FBXO42: variants seen among roughly 807,000 people sequenced by gnomAD.
FBXO42 encodes the protein F-box protein 42, also known as F-box only protein 42.
FBXO42 carries 12 observed loss-of-function variants against 71.7 expected under a neutral mutation model. The observed-to-expected ratio is 0.17, with a 90% CI of 0.11 to 0.27. The LOEUF (loss-of-function observed/expected upper bound fraction) is 0.27. Ranked by LOEUF, FBXO42 falls within the 10% of genes least tolerant of loss-of-function variation. FBXO42 has a pLI of 1.00. For missense variants in FBXO42, 707 were observed against 911.9 expected (o/e 0.78, Z 2.89); for synonymous variants, 325 against 327.5 (o/e 0.99, Z 0.08).
chr1:16,260,912 C>CA (rs2081704985), intron 4 of FBXO42, among the ~76,000 whole-genome samples: 1 of 151,998 alleles, frequency 6.6e-6, no homozygotes, highest in South Asian at 2.1e-4. Flanking sequence ...CTGTGTTGCC[C>CA]AGACTGGTCT....
chr1:16,251,779 G>C lies in FBXO42; in HGVS notation c.1045C>G (p.Gln349Glu). 1.4e-5 allele frequency: 22 copies of C among 1,611,480 alleles called. No homozygotes were observed. The highest frequency in any genetic ancestry group is 1.8e-5 in the Non-Finnish European group (21 of 1,178,428). Reference sequence around the variant, plus strand: ...GCCTGGCTGAAGACCACCACACACTGTCCCACCTGGAAGACAAAGGACCAG... The same window carrying C: ...GCCTGGCTGAAGACCACCACACACTCTCCCACCTGGAAGACAAAGGACCAG... ...LWCHPACRVG[Q>E]CVVVFSQAPS... The change falls in exon 10 of 10, where the codon CAG becomes GAG. Residue 349 changes from glutamine to glutamate, a missense_variant. By Grantham distance (29) the Gln-to-Glu change is conservative. This residue lies in a region of FBXO42 where 482 missense variants were observed against 587.1 expected (regional missense o/e 0.82). Transcript: ENST00000375592. This position sits in a 1 kb window ranked among gnomAD's most constrained non-coding sequence, Gnocchi z 4.5.
chr1:16,332,826 C>T (rs2082512531), intron 1 of FBXO42, among the ~76,000 whole-genome samples: 1 of 152,134 alleles, frequency 6.6e-6, no homozygotes, highest in Non-Finnish European at 1.5e-5. Context: ...CAAGTGTGAG[C>T]CACTGCGCCT....
rs1420857999 is a variant in FBXO42, at chr1:16,314,766, C to G, written c.250+403G>C. Reference sequence around the variant, plus strand: ...GGGCGTGGTGGCAGGCGCCTGTAGTCCCAGCTACTCTGGAGGCTGAGGCAG... The same window carrying G: ...GGGCGTGGTGGCAGGCGCCTGTAGTGCCAGCTACTCTGGAGGCTGAGGCAG... On this transcript the variant is annotated intron_variant, in intron 2 of 9. Transcript: ENST00000375592. 2.0e-5 allele frequency among the ~76,000 whole-genome samples: 3 copies of G among 152,096 alleles called. No homozygotes were observed. The East Asian group carries it at 5.8e-4, about 29-fold the overall frequency.
intron 1 of FBXO42, among the ~76,000 whole-genome samples, chr1:16,316,326 A>G (rs1483256185): frequency 2.0e-5 from 3 of 152,100 alleles, no homozygotes; most frequent in African/African-American, 4.8e-5. Flanking sequence ...TTTGCCACAA[A>G]ATATCTCTTT....
At chr1:16,350,986 C>T (rs981203976) in intron 1 of FBXO42, among the ~76,000 whole-genome samples, 1 of 152,020 alleles carries the variant, frequency 6.6e-6, no homozygotes, top group African/African-American at 2.4e-5. Context: ...CACGTGAATA[C>T]ACTCAAAGTT....
intron 2 of FBXO42, among the ~76,000 whole-genome samples, chr1:16,311,981 A>C (rs2082317280): frequency 1.3e-5 from 2 of 152,114 alleles, no homozygotes. Flanking sequence ...CCTTTCAGTA[A>C]GTGAATGGGT....
At chr1:16,331,702 C>T (rs1480831054) in intron 1 of FBXO42, among the ~76,000 whole-genome samples, 1 of 150,760 alleles carries the variant, frequency 6.6e-6, no homozygotes, top group African/African-American at 2.4e-5. Context: ...TTCAGTGAGC[C>T]GAGATCGCAC....
intron 7 of FBXO42, 94 bp downstream of exon 7, chr1:16,253,541 A>T: frequency 9.5e-7 from 1 of 1,055,952 alleles, no homozygotes; most frequent in South Asian, 1.4e-5. Flanking sequence ...GGCTTAGTGC[A>T]TATTGGCATC....
chr1:16,259,049 C>G (rs2081681071), intron 4 of FBXO42, among the ~76,000 whole-genome samples: 1 of 152,122 alleles, frequency 6.6e-6, no homozygotes, highest in African/African-American at 2.4e-5. Context: ...CAGAAATCTT[C>G]TCTAGGAAGA....
chr1:16,293,432 T>C (rs2082100071), intron 4 of FBXO42: 1 of 152,310 alleles, frequency 6.6e-6, no homozygotes, highest in African/African-American at 2.4e-5. Flanking sequence ...GTAGGTTTGT[T>C]TTTGTTTTTG....
At chr1:16,340,162 C>A (rs954485711) in intron 1 of FBXO42, among the ~76,000 whole-genome samples, 5 of 149,472 alleles carry the variant, frequency 3.3e-5, no homozygotes, top group Non-Finnish European at 7.4e-5. Context: ...GGCGACAGAG[C>A]AAGACTCCAG....
At chr1:16,271,093 C>G (rs1569837360) in intron 4 of FBXO42, among the ~76,000 whole-genome samples, 1 of 151,938 alleles carries the variant, frequency 6.6e-6, no homozygotes, top group Admixed American at 6.6e-5. Flanking sequence ...GAAGAGTGTT[C>G]CAGGCAGAAA....
intron 1 of FBXO42, among the ~76,000 whole-genome samples, chr1:16,324,799 C>T (rs530771737): frequency 3.3e-5 from 5 of 151,834 alleles, no homozygotes; most frequent in African/African-American, 1.2e-4. Context: ...CTGGGTGACA[C>T]AGCAAGACTC....
At chr1:16,317,067 GGTCAGGA>G (rs2082374622) in intron 1 of FBXO42, among the ~76,000 whole-genome samples, 2 of 152,128 alleles carry the variant, frequency 1.3e-5, no homozygotes, top group South Asian at 4.1e-4. Context: ...GATCACCTGA[GGTCAGGA>G]GTTCAAAACC....
intron 1 of FBXO42, among the ~76,000 whole-genome samples, chr1:16,339,762 T>C (rs887728902): frequency 3.3e-5 from 5 of 152,194 alleles, no homozygotes; most frequent in African/African-American, 1.2e-4. Context: ...GTGGTGTATA[T>C]GCACATGAAG....
chr1:16,320,187 C>T (rs1438204252), intron 1 of FBXO42, among the ~76,000 whole-genome samples: 4 of 151,746 alleles, frequency 2.6e-5, no homozygotes, highest in Admixed American at 2.0e-4. Flanking sequence ...TGGTGAAACC[C>T]CGTCTCTACT....
At chr1:16,263,259 G>A (rs1022729800) in intron 4 of FBXO42, among the ~76,000 whole-genome samples, 15 of 151,074 alleles carry the variant, frequency 9.9e-5, no homozygotes, top group Non-Finnish European at 1.8e-4. Flanking sequence ...TCAGGAGATC[G>A]AGACCATCCT....
intron 4 of FBXO42, among the ~76,000 whole-genome samples, chr1:16,258,248 T>C (rs1047871348): frequency 6.6e-6 from 1 of 152,210 alleles, no homozygotes. Flanking sequence ...ACTGTCTTTC[T>C]TGTGATCTCA....
chr1:16,339,918 G>A (rs928853886), intron 1 of FBXO42, among the ~76,000 whole-genome samples: 3 of 152,028 alleles, frequency 2.0e-5, no homozygotes, highest in Non-Finnish European at 4.4e-5. Context: ...GTACCACTGC[G>A]CTCCAGCCTG....
Sources: allele counts gnomAD v4.1 joint callset (sites outside exome capture counted in the v4.1 genomes callset), GRCh38; gene constraint gnomAD v4.1.1; regional missense constraint gnomAD v4.1.1; non-coding constraint Gnocchi (gnomAD v3.1); transcripts MANE v1.5; gene names NCBI Gene and HGNC (gene_info 2026-07-23, HGNC 2026-07-21).